Variants in TMPRSS12 observed in about 807,000 individuals in gnomAD.
The protein encoded by TMPRSS12 is transmembrane protease serine 12.
Under a neutral mutation model 26.0 loss-of-function variants are expected in TMPRSS12, and 25 were observed. That is an observed-to-expected ratio of 0.96 (90% CI 0.70 to 1.34). The LOEUF is 1.34. Ranked by LOEUF, TMPRSS12 falls within the 40% of genes most tolerant of loss-of-function variation. The pLI, the probability that TMPRSS12 is intolerant of heterozygous loss-of-function variation, is 0.00. For synonymous variants in TMPRSS12, 150 were observed against 161.7 expected (o/e 0.93, Z 0.55); for missense variants, 441 against 440.1 (o/e 1.00, Z -0.02).
intron 2 of TMPRSS12, among the ~76,000 whole-genome samples, chr12:50,856,847 G>A (rs146986404): frequency 1.6e-4 from 8 of 50,122 alleles, no homozygotes; most frequent in African/African-American, 3.1e-4. Flanking sequence ...CACGACATCC[G>A]GCTAATTTTT....
At chr12:50,846,492 A>C (rs2139718610) in intron 2 of TMPRSS12, among the ~76,000 whole-genome samples, 1 of 152,038 alleles carries the variant, frequency 6.6e-6, no homozygotes, top group Middle Eastern at 3.4e-3. Flanking sequence ...TTCTCCACTG[A>C]TGTATATATC....
At chr12:50,845,028 A>T (rs1017222700) in intron 2 of TMPRSS12, among the ~76,000 whole-genome samples, 34 of 152,164 alleles carry the variant, frequency 2.2e-4, no homozygotes, top group Non-Finnish European at 3.4e-4. Context: ...CTCTATATTT[A>T]AAAAAATTGT....
At chr12:50,865,287 A>G (rs1464341703) in intron 3 of TMPRSS12, among the ~76,000 whole-genome samples, 2 of 152,124 alleles carry the variant, frequency 1.3e-5, no homozygotes, top group Non-Finnish European at 2.9e-5. Context: ...AGCCAAGATC[A>G]TATCTTTGCA....
intron 2 of TMPRSS12, 43 bp downstream of exon 2, chr12:50,844,080 AT>A (rs746506762): frequency 3.4e-6 from 5 of 1,453,494 alleles, no homozygotes; most frequent in Non-Finnish European, 4.5e-6. Flanking sequence ...CTTAGGGGAT[AT>A]TTTGAAGTGA....
chr12:50,858,950 T>C lies in TMPRSS12; in HGVS notation c.549T>C (p.Tyr183=). 6.3e-7 allele frequency: 1 copy of C among 1,591,204 alleles called. No homozygotes were observed. Among genetic ancestry groups the C allele is most frequent in the Non-Finnish European group, 8.6e-7 (1 of 1,167,448 alleles). The change falls in exon 3 of 5, where the codon TAT becomes TAC. Residue 183 remains tyrosine, a synonymous_variant. Coordinates refer to ENST00000398458, the MANE Select transcript of TMPRSS12 (RefSeq NM_182559.3). ...ALFHLKKAVR[Y]NDYIQPICLP... ...TTCACTTAAAAAAAGCAGTGAGGTA[T>C]AATGACTATATTCAGCCTATTTGCC...
intron 3 of TMPRSS12, among the ~76,000 whole-genome samples, chr12:50,872,110 G>T (rs1209439287): frequency 5.3e-5 from 8 of 152,124 alleles, no homozygotes; most frequent in Non-Finnish European, 1.2e-4. Context: ...CAGAAGAAAA[G>T]AAGTCATTAT....
At chr12:50,881,862 T>C (rs766222896) in intron 3 of TMPRSS12, among the ~76,000 whole-genome samples, 2 of 147,634 alleles carry the variant, frequency 1.4e-5, no homozygotes, top group Non-Finnish European at 3.0e-5. Context: ...TCCCAGCTAC[T>C]TGGGAGGCTG....
chr12:50,851,183 C>A (rs1036827271), intron 2 of TMPRSS12, among the ~76,000 whole-genome samples: 42 of 152,190 alleles, frequency 2.8e-4, no homozygotes, highest in African/African-American at 8.0e-4. Context: ...CAATAGCTCC[C>A]AAGTGATGGT....
At chr12:50,861,814 C>CT (rs59550869) in intron 3 of TMPRSS12, among the ~76,000 whole-genome samples, 15,262 of 145,010 alleles carry the variant, frequency 0.11, 1,506 homozygotes, top group East Asian at 0.32. Context: ...ATTAATATAT[C>CT]TTTTTTTTTT....
At chr12:50,866,843 T>C (rs574680625) in intron 3 of TMPRSS12, among the ~76,000 whole-genome samples, 1 of 152,224 alleles carries the variant, frequency 6.6e-6, no homozygotes, top group Non-Finnish European at 1.5e-5. Flanking sequence ...GCCCAGAGCC[T>C]GGTAGACTTG....
chr12:50,885,230 T>C lies in TMPRSS12; in HGVS notation c.653-16T>C. The C allele has an allele frequency of 6.4e-7, 1 of 1,566,086 alleles. No individual in the cohort carries two copies. On this transcript the variant is annotated splice_polypyrimidine_tract_variant and intron_variant, in intron 3 of 4. Transcript: ENST00000398458. ...TGTCTGCTCCAAGATAACTTACTGG[T>C]ATTTTTTGTTAACAGGTAACGCTAC...
At chr12:50,862,464 A>G (rs781264847) in intron 3 of TMPRSS12, among the ~76,000 whole-genome samples, 2 of 152,350 alleles carry the variant, frequency 1.3e-5, no homozygotes, top group South Asian at 4.1e-4. Context: ...AGACACTCCC[A>G]TAAAGCTGGA....
intron 3 of TMPRSS12, among the ~76,000 whole-genome samples, chr12:50,868,379 A>G (rs1316792498): frequency 6.6e-6 from 1 of 152,220 alleles, no homozygotes; most frequent in African/African-American, 2.4e-5. Context: ...CTTTAATGCA[A>G]TAGCAGTTAA....
chr12:50,845,721 C>T (rs1238989459), intron 2 of TMPRSS12, among the ~76,000 whole-genome samples: 2 of 152,160 alleles, frequency 1.3e-5, no homozygotes, highest in African/African-American at 4.8e-5. Flanking sequence ...TCTTCTGTCC[C>T]TCCACCCTCC....
At chr12:50,853,895 G>C (rs1937851448) in intron 2 of TMPRSS12, among the ~76,000 whole-genome samples, 1 of 151,986 alleles carries the variant, frequency 6.6e-6, no homozygotes, top group African/African-American at 2.4e-5. Context: ...ATTCTACCAG[G>C]TGTATAAAAG....
At position 50,885,285 on chromosome 12, in the gene TMPRSS12, A is replaced by T. The variant is rs201478278; in HGVS notation, c.692A>T (p.Tyr231Phe). The T allele has an allele frequency of 2.0e-4, 323 of 1,610,872 alleles. No individual in the cohort carries two copies. Among genetic ancestry groups the T allele is most frequent in the Non-Finnish European group, 1.5e-5 (18 of 1,179,078 alleles). Residue 231 changes from tyrosine (Y) to phenylalanine (F), a missense_variant, in exon 4 of 5, where the codon TAT becomes TTT. Tyr to Phe is a conservative substitution (Grantham distance 22, BLOSUM62 3). Coordinates refer to ENST00000398458, the MANE Select transcript of TMPRSS12 (RefSeq NM_182559.3). ...TNILQDAEVH[Y>F]ISREMCNSER... ...ATTTTACAAGATGCAGAAGTGCATT[A>T]TATTTCTCGAGAGATGTGTAATTCT...
At chr12:50,867,340 G>T (rs1222707350) in intron 3 of TMPRSS12, among the ~76,000 whole-genome samples, 1 of 152,178 alleles carries the variant, frequency 6.6e-6, no homozygotes, top group Non-Finnish European at 1.5e-5. Context: ...AAATGCTCTG[G>T]AAAGTCTCTG....
chr12:50,848,946 C>T (rs564864099), intron 2 of TMPRSS12, among the ~76,000 whole-genome samples: 3 of 152,212 alleles, frequency 2.0e-5, no homozygotes, highest in African/African-American at 7.2e-5. Context: ...CTCACTGCAG[C>T]ATCAATCTCC....
chr12:50,875,440 A>G (rs1164844739), intron 3 of TMPRSS12, among the ~76,000 whole-genome samples: 1 of 136,066 alleles, frequency 7.3e-6, no homozygotes, highest in African/African-American at 2.7e-5. Context: ...CAGTGAGCTG[A>G]GATCATGCCA....
Sources: allele counts gnomAD v4.1 joint callset (sites outside exome capture counted in the v4.1 genomes callset), GRCh38; gene constraint gnomAD v4.1.1; transcripts MANE v1.5; gene names NCBI Gene and HGNC (gene_info 2026-07-23, HGNC 2026-07-21).